Variants in RARB observed in about 807,000 individuals in gnomAD.
RARB encodes the protein HBV-activated protein.
In RARB, 17 loss-of-function variants were observed where a neutral mutation model predicts 51.9. The ratio of observed to expected loss-of-function variants is 0.33; its 90% CI spans 0.22 to 0.49. The LOEUF is 0.49. RARB is among the 20% of genes least tolerant of loss of function. The probability of loss-of-function intolerance (pLI) is 0.99; values close to 1 mark genes in which losing one functional copy is unlikely to be tolerated. For missense variants in RARB, 369 were observed against 550.8 expected (o/e 0.67, Z 3.30); for synonymous variants, 215 against 195.4 (o/e 1.10, Z -0.84).
chr3:24,885,289 G>GGAT (rs1345326443), intron 2 of RARB, among the ~76,000 whole-genome samples: 1 of 152,100 alleles, frequency 6.6e-6, no homozygotes, highest in African/African-American at 2.4e-5. Context: ...GGCTGAAATG[G>GGAT]GATGCCTTTG....
intron 5 of RARB, among the ~76,000 whole-genome samples, chr3:25,244,354 C>T (rs1389931685): frequency 6.7e-6 from 1 of 149,764 alleles, no homozygotes; most frequent in Non-Finnish European, 1.5e-5. Flanking sequence ...CTTCTGCTAG[C>T]TTTTAAATGT....
At chr3:25,302,554 A>G (rs557092510) in intron 5 of RARB, among the ~76,000 whole-genome samples, 1 of 152,376 alleles carries the variant, frequency 6.6e-6, no homozygotes, top group African/African-American at 2.4e-5. Flanking sequence ...TATTCAGAAT[A>G]GGCTAATGTA....
chr3:25,461,709 C>T (rs528432664), intron 2 of RARB, among the ~76,000 whole-genome samples: 9 of 152,294 alleles, frequency 5.9e-5, no homozygotes, highest in African/African-American at 2.2e-4. Context: ...GCCTGACCAA[C>T]ATGGCAAAAC....
intron 2 of RARB, among the ~76,000 whole-genome samples, chr3:25,038,234 C>T (rs1321883555): frequency 6.6e-6 from 1 of 152,088 alleles, no homozygotes; most frequent in Admixed American, 6.6e-5. Flanking sequence ...GTAAATTGAA[C>T]CTCTTAGGAA....
chr3:25,332,546 A>G (rs1344979479), intron 5 of RARB, among the ~76,000 whole-genome samples: 1 of 152,244 alleles, frequency 6.6e-6, no homozygotes, highest in African/African-American at 2.4e-5. Flanking sequence ...AGAGCCATTT[A>G]TGACGAACCC....
Position 25,349,820 on chromosome 3 carries a change from T to G in RARB, c.179-111373T>G, listed in dbSNP as rs901196245. On this transcript the variant is annotated intron_variant, in intron 5 of 11. Coordinates refer to the RARB transcript ENST00000383772. ...GCTTAAAACAACCCTTCTGTTTCTT[T>G]GCTCATGAGTCTACAATTTGCACCA... Among the ~76,000 whole-genome samples the G allele has an allele frequency of 2.6e-5, 4 of 152,230 alleles. No homozygotes were observed. The East Asian group carries it at 7.7e-4, about 29-fold the overall frequency.
intron 2 of RARB, among the ~76,000 whole-genome samples, chr3:24,946,746 G>A (rs973381141): frequency 3.3e-5 from 5 of 152,048 alleles, no homozygotes; most frequent in African/African-American, 1.2e-4. Context: ...TACACCTGTA[G>A]TCCCAGCTCC....
chr3:25,000,583 A>C (rs1054342096), intron 2 of RARB, among the ~76,000 whole-genome samples: 5 of 152,098 alleles, frequency 3.3e-5, no homozygotes, highest in African/African-American at 1.2e-4. Flanking sequence ...TGGTGACTGT[A>C]ATTTATTCTG....
intron 5 of RARB, among the ~76,000 whole-genome samples, chr3:25,253,771 G>C (rs1702789310): frequency 6.6e-6 from 1 of 152,064 alleles, no homozygotes. Flanking sequence ...GGCTATAAAG[G>C]TTACATTATT....
In RARB at chr3:25,596,753, A is replaced by C. The variant is rs1296250909; in HGVS notation, c.*137A>C. The C allele has an allele frequency of 5.7e-6, 4 of 703,428 alleles. No homozygotes were observed. In the East Asian group the frequency reaches 1.1e-4, roughly 19 times the overall value. The allele number at this position is 703,428 out of a possible 1,614,324, so 43.6% of individuals were successfully genotyped here. On this transcript the variant is annotated 3_prime_UTR_variant, in exon 8 of 8. Transcript: ENST00000330688. ...ACTCAAGAAGGACCAAGAAGTTTTC[A>C]TATGTATCAATATATATACTCCTCA...
chr3:24,873,867 T>G (rs1702993380), intron 2 of RARB, among the ~76,000 whole-genome samples: 1 of 152,114 alleles, frequency 6.6e-6, no homozygotes. Flanking sequence ...ATTTTATTGA[T>G]GTTTAAATTG....
Position 25,111,113 on chromosome 3 carries a change from A to G in RARB, c.-327-21048A>G, listed in dbSNP as rs149067483. Among the ~76,000 whole-genome samples the G allele has an allele frequency of 7.9e-4, 121 of 152,308 alleles. 1 individual carries two copies. In the East Asian group the frequency reaches 0.02, roughly 25 times the overall value. ...AAATACTTGTACGGCTATGACAGCAAGGAAGTCAAGAATCCATATCAAATC... is the reference window on the plus strand; with the variant it reads ...AAATACTTGTACGGCTATGACAGCAGGGAAGTCAAGAATCCATATCAAATC... On this transcript the variant is annotated intron_variant, in intron 3 of 11. Coordinates refer to the RARB transcript ENST00000383772.
intron 3 of RARB, among the ~76,000 whole-genome samples, chr3:25,087,217 T>C (rs1475490307): frequency 6.6e-6 from 1 of 152,204 alleles, no homozygotes; most frequent in African/African-American, 2.4e-5. Context: ...GAGGCCTGTC[T>C]GACCACCTAT....
intron 2 of RARB, among the ~76,000 whole-genome samples, chr3:24,935,807 GCAA>G (rs1011491223): frequency 1.3e-5 from 2 of 152,130 alleles, no homozygotes; most frequent in Non-Finnish European, 2.9e-5. Context: ...TAACTGAATT[GCAA>G]CAACATGGCA....
intron 5 of RARB, among the ~76,000 whole-genome samples, chr3:25,236,609 A>C (rs1043728970): frequency 3.2e-4 from 48 of 152,258 alleles, no homozygotes; most frequent in African/African-American, 1.1e-3. Flanking sequence ...TCCCTTCACT[A>C]TGCACTTTAA....
At chr3:25,420,708 A>G (rs1356097613) in intron 5 of RARB, among the ~76,000 whole-genome samples, 1 of 152,120 alleles carries the variant, frequency 6.6e-6, no homozygotes, top group Non-Finnish European at 1.5e-5. Flanking sequence ...ATGATGGATC[A>G]GAGAGTGAAT....
At chr3:24,880,074 C>T (rs1703129448) in intron 2 of RARB, among the ~76,000 whole-genome samples, 1 of 151,980 alleles carries the variant, frequency 6.6e-6, no homozygotes, top group African/African-American at 2.4e-5. Context: ...ACATTTTTTC[C>T]TCTATTTTTT....
At chr3:25,307,410 T>C (rs1488893310) in intron 5 of RARB, among the ~76,000 whole-genome samples, 3 of 151,870 alleles carry the variant, frequency 2.0e-5, no homozygotes, top group African/African-American at 7.3e-5. Context: ...AATTGTAATA[T>C]GGCCATGTAA....
At chr3:24,984,607 C>T (rs1238432449) in intron 2 of RARB, among the ~76,000 whole-genome samples, 1 of 152,176 alleles carries the variant, frequency 6.6e-6, no homozygotes, top group Non-Finnish European at 1.5e-5. Flanking sequence ...GTGGCGAAAA[C>T]AGAGAAATAT....
Sources: gnomAD v4.1 joint callset for allele counts (sites outside exome capture counted in the v4.1 genomes callset) on GRCh38, gnomAD v4.1.1 for gene constraint, MANE v1.5 for transcripts, NCBI Gene and HGNC (gene_info 2026-07-23, HGNC 2026-07-21) for gene names.